The following NFATC1 variants were observed in gnomAD, a reference collection of about 807,000 sequenced individuals.
The protein encoded by NFATC1 is nuclear factor of activated T cells 1, also known as nuclear factor of activated T-cells, cytoplasmic 1.
A neutral mutation model predicts 76.0 loss-of-function variants in NFATC1; 22 were observed. The ratio of observed to expected loss-of-function variants is 0.29; its 90% CI spans 0.21 to 0.41. The LOEUF (loss-of-function observed/expected upper bound fraction) is 0.41. NFATC1 is among the 10% of genes least tolerant of loss of function. NFATC1 has a pLI of 1.00. For missense variants in NFATC1, 1,357 were observed against 1,337.7 expected (o/e 1.01, Z -0.23); for synonymous variants, 704 against 613.1 (o/e 1.15, Z -2.19).
At position 79,527,889 on chromosome 18, in the gene NFATC1, C is replaced by T. The variant is rs568019201; in HGVS notation, c.*312C>T. ...ACGGCCCACACGCAGTTTGACCCCA[C>T]GCCCAGCCCTTCTGGCACCCCTGGG... is the stretch of plus-strand genomic sequence containing the variant. On this transcript the variant is annotated 3_prime_UTR_variant, in exon 10 of 10. Transcript: ENST00000427363. The T allele has an allele frequency of 4.0e-5, 18 of 447,146 alleles. No individual in the cohort carries two copies. The highest frequency in any genetic ancestry group is 7.8e-5 in the African/African-American group (4 of 51,392). The allele number at this position is 447,146 out of a possible 1,614,324, so 27.7% of individuals were successfully genotyped here.
intron 1 of NFATC1, among the ~76,000 whole-genome samples, chr18:79,408,821 TCATCATCCATCCATC>T (rs1399659754): frequency 1.1e-3 from 160 of 151,368 alleles, no homozygotes; most frequent in Middle Eastern, 3.4e-3. Context: ...ATCCATTCAT[TCATCATCCATCCATC>T]CATCATCCAT....
At chr18:79,428,205 G>A (rs1430184677) in intron 2 of NFATC1, among the ~76,000 whole-genome samples, 2 of 152,184 alleles carry the variant, frequency 1.3e-5, no homozygotes, top group African/African-American at 4.8e-5. Flanking sequence ...GGTGTCTTTA[G>A]TGAGAAACAG....
intron 2 of NFATC1, among the ~76,000 whole-genome samples, chr18:79,428,700 G>C (rs2086482571): frequency 6.6e-6 from 1 of 152,252 alleles, no homozygotes; most frequent in East Asian, 1.9e-4. Flanking sequence ...AAAAAGGCCA[G>C]GTATGGTGAT....
intron 7 of NFATC1, among the ~76,000 whole-genome samples, chr18:79,466,809 G>C (rs1037494696): frequency 6.6e-6 from 1 of 152,178 alleles, no homozygotes; most frequent in South Asian, 2.1e-4. Flanking sequence ...CAGAGACCGC[G>C]TCTCCAGGAA....
At position 79,424,682 on chromosome 18, in the gene NFATC1, CCTGTCT is replaced by C. The variant is rs144258844; in HGVS notation, c.1227-8888_1227-8883del. On this transcript the variant is annotated intron_variant, in intron 2 of 9. Transcript: ENST00000427363. ...CTGTCTCTCCATCTCTGTCTCTGTC[CCTGTCT>C]CTGTCTCTCTGTGTTTCTCTGTGTC... is the stretch of plus-strand genomic sequence containing the variant. 5.4e-3 allele frequency among the ~76,000 whole-genome samples: 608 copies of C among 111,938 alleles called. 14 individuals are homozygous for C. In the East Asian group the frequency reaches 0.073, roughly 13 times the overall value. 73.4% of individuals were successfully genotyped at this position (111,938 alleles called of 152,430 possible).
At chr18:79,476,395 A>C (rs1049525376) in intron 8 of NFATC1, among the ~76,000 whole-genome samples, 3 of 152,246 alleles carry the variant, frequency 2.0e-5, no homozygotes, top group African/African-American at 7.2e-5. Context: ...GCGAAAGCCG[A>C]CCGATGTGTT....
chr18:79,427,386 A>C (rs12608069), intron 2 of NFATC1, among the ~76,000 whole-genome samples: 1 of 74,246 alleles, frequency 1.3e-5, no homozygotes, highest in Non-Finnish European at 2.6e-5. Flanking sequence ...GCCTCTGTGC[A>C]GTGGGTTGGG....
intron 1 of NFATC1, among the ~76,000 whole-genome samples, chr18:79,402,182 G>C (rs1268075831): frequency 6.6e-6 from 1 of 152,262 alleles, no homozygotes; most frequent in Non-Finnish European, 1.5e-5. Context: ...ATCCTCCTGT[G>C]ACTGCACAGG....
intron 7 of NFATC1, among the ~76,000 whole-genome samples, chr18:79,464,672 A>ACG (rs1568994529): frequency 0.18 from 18,441 of 101,582 alleles, 2,470 homozygotes; most frequent in African/African-American, 0.26. Flanking sequence ...GTGTGTGTGT[A>ACG]TATGTATGTG....
At position 79,459,169 on chromosome 18, in the gene NFATC1, G is replaced by A. The variant is rs570720899; in HGVS notation, c.1904-2142G>A. Reference sequence around the variant, plus strand: ...TGCTCCCACCTGCGCAGGAATTGCAGGGTGCGGGTGCTCCCAGGTGTGCGG... The same window carrying A: ...TGCTCCCACCTGCGCAGGAATTGCAAGGTGCGGGTGCTCCCAGGTGTGCGG... On this transcript the variant is annotated intron_variant, in intron 6 of 9. Coordinates refer to ENST00000427363, the MANE Select transcript of NFATC1 (RefSeq NM_001278669.2). 4.6e-5 allele frequency among the ~76,000 whole-genome samples: 7 copies of A among 152,376 alleles called. No individual in the cohort carries two copies. The South Asian group carries it at 1.4e-3, about 32-fold the overall frequency.
chr18:79,522,401 G>A (rs1193442861), intron 9 of NFATC1, among the ~76,000 whole-genome samples: 1 of 82,802 alleles, frequency 1.2e-5, no homozygotes, highest in Non-Finnish European at 2.3e-5. Flanking sequence ...TCCACGGATT[G>A]TGTCTGGGTG....
chr18:79,515,498 C>G (rs2090358616), intron 9 of NFATC1, among the ~76,000 whole-genome samples: 1 of 151,884 alleles, frequency 6.6e-6, no homozygotes, highest in South Asian at 2.1e-4. Flanking sequence ...GGGCTCGGCT[C>G]ACACCCCTGC....
chr18:79,443,017 G>C (rs900429597), intron 3 of NFATC1, among the ~76,000 whole-genome samples: 2 of 152,174 alleles, frequency 1.3e-5, no homozygotes, highest in Non-Finnish European at 2.9e-5. Context: ...AATCCCAAGA[G>C]ACTTATGTTG....
chr18:79,396,191 G>T lies in NFATC1; in HGVS notation c.-34G>T. The T allele has an allele frequency of 7.0e-7, 1 of 1,433,198 alleles. No individual in the cohort carries two copies. Among genetic ancestry groups the T allele is most frequent in the Non-Finnish European group, 9.2e-7 (1 of 1,081,422 alleles). The allele number at this position is 1,433,198 out of a possible 1,614,324, so 88.8% of individuals were successfully genotyped here. A position where few individuals can be genotyped will look rare whatever the true frequency, so the allele number is the denominator to read the frequency against. ...GGGCGGCCGCTTCTCCTGTGCCTCC[G>T]CCCGCCGCTCCACTCCCCGCCGCCG... On this transcript the variant is annotated 5_prime_UTR_variant, in exon 1 of 10. Coordinates refer to ENST00000427363, the MANE Select transcript of NFATC1 (RefSeq NM_001278669.2).
intron 1 of NFATC1, among the ~76,000 whole-genome samples, chr18:79,398,116 C>A (rs576800363): frequency 1.3e-5 from 2 of 152,164 alleles, no homozygotes; most frequent in Non-Finnish European, 2.9e-5. Flanking sequence ...GCCTCCCCTG[C>A]GTCCCTCGGG....
intron 4 of NFATC1, 78 bp downstream of exon 4, chr18:79,449,062 T>C: frequency 6.9e-7 from 1 of 1,448,636 alleles, no homozygotes; most frequent in African/African-American, 1.4e-5. Flanking sequence ...CCGGGGGGTC[T>C]GGCCAGCCCC....
rs760810205 is a variant in NFATC1 at position 79,524,582 on chromosome 18, G to A, written c.2783-2946G>A. On this transcript the variant is annotated intron_variant, in intron 9 of 9. Coordinates refer to ENST00000427363, the MANE Select transcript of NFATC1 (RefSeq NM_001278669.2). The surrounding 1 kb of genome is among the most constrained non-coding windows in gnomAD (Gnocchi z 7.2). ...GGGACGGGGTCGGCCCACACGCACC[G>A]CCAGCCCGCAGGAGTGAGGTGCAGG... 2.6e-5 allele frequency among the ~76,000 whole-genome samples: 4 copies of A among 152,122 alleles called. No homozygotes were observed. The highest frequency in any genetic ancestry group is 2.1e-4 in the South Asian group (1 of 4,830).
intron 2 of NFATC1, among the ~76,000 whole-genome samples, chr18:79,427,764 C>G (rs1260194926): frequency 3.1e-5 from 2 of 65,064 alleles, no homozygotes; most frequent in African/African-American, 1.4e-4. Context: ...GGGTGCTGGA[C>G]GGCTGGTCTT....
chr18:79,398,798 G>C (rs894387505), intron 1 of NFATC1, among the ~76,000 whole-genome samples: 2 of 152,394 alleles, frequency 1.3e-5, no homozygotes, highest in South Asian at 4.1e-4. Flanking sequence ...GCCGGGCGCC[G>C]CGGCTCACGC....
Sources: allele counts gnomAD v4.1 joint callset (sites outside exome capture counted in the v4.1 genomes callset), GRCh38; gene constraint gnomAD v4.1.1; non-coding constraint Gnocchi (gnomAD v3.1); transcripts MANE v1.5; gene names NCBI Gene and HGNC (gene_info 2026-07-23, HGNC 2026-07-21).